The following TBXAS1 variants were observed in gnomAD, a reference collection of about 807,000 sequenced individuals.
TBXAS1 encodes the protein thromboxane-A synthase.
TBXAS1 carries 48 observed loss-of-function variants against 60.7 expected under a neutral mutation model. That is an observed-to-expected ratio of 0.79 (90% CI 0.63 to 1.01). TBXAS1 has a LOEUF of 1.01. Ranked by LOEUF, TBXAS1 falls within the 50% of genes least tolerant of loss-of-function variation. The pLI is 0.00. For missense variants in TBXAS1, 685 were observed against 686.3 expected, an observed-to-expected ratio of 1.00 and a Z score of 0.02; for synonymous variants, 287 against 269.7, an observed-to-expected ratio of 1.06 and a Z score of -0.63.
Position 139,923,264 on chromosome 7 carries a change from T to C in TBXAS1, c.333+11943T>C, listed in dbSNP as rs138479173. Reference sequence around the variant, plus strand: ...ATTGCTTAAGCCCAGGAGGCGTAGGTTGTAGTGAGCCATGATTCTGCCACT... The same window carrying C: ...ATTGCTTAAGCCCAGGAGGCGTAGGCTGTAGTGAGCCATGATTCTGCCACT... On this transcript the variant is annotated intron_variant, in intron 4 of 12. Coordinates refer to ENST00000448866, the MANE Select transcript of TBXAS1 (RefSeq NM_001061.7). Among the ~76,000 whole-genome samples the C allele has an allele frequency of 3.6e-3, 545 of 151,746 alleles. 3 individuals are homozygous for C. The highest frequency in any genetic ancestry group is 0.012 in the African/African-American group (514 of 41,350).
chr7:139,827,105 T>C (rs1798455922), upstream of TBXAS1, among the ~76,000 whole-genome samples: 1 of 152,180 alleles, frequency 6.6e-6, no homozygotes, highest in Non-Finnish European at 1.5e-5. Context: ...CTCTCTCCTC[T>C]AGCCAAGCAT....
chr7:139,781,816 A>G (rs1797001740), intron 2 of TBXAS1, among the ~76,000 whole-genome samples: 1 of 148,676 alleles, frequency 6.7e-6, no homozygotes. Flanking sequence ...TAGCCTAGGC[A>G]ACAAGAGCTA....
rs950997392 is a variant in TBXAS1 at position 139,975,744 on chromosome 7, T to C, written c.1134+13511T>C. ...AAGGTCCTGGGTTTGTTGGAGCTTT[T>C]TCTCCCTCTTGCCATGTCCTTTTCA... On this transcript the variant is annotated intron_variant, in intron 9 of 12. Coordinates refer to ENST00000448866, the MANE Select transcript of TBXAS1 (RefSeq NM_001061.7). The surrounding 1 kb of genome is among the most constrained non-coding windows in gnomAD (Gnocchi z 4.4). 8.5e-5 allele frequency among the ~76,000 whole-genome samples: 13 copies of C among 152,230 alleles called. No individual in the cohort carries two copies. The highest frequency in any genetic ancestry group is 7.2e-4 in the Admixed American group (11 of 15,284).
chr7:139,984,449 C>G (rs1004687049), intron 9 of TBXAS1, among the ~76,000 whole-genome samples: 7 of 151,954 alleles, frequency 4.6e-5, no homozygotes, highest in African/African-American at 1.7e-4. Flanking sequence ...GTTCTGCCCC[C>G]TCAGTAACCA....
intron 1 of TBXAS1, among the ~76,000 whole-genome samples, chr7:139,853,318 C>T (rs2116664307): frequency 6.6e-6 from 1 of 152,276 alleles, no homozygotes; most frequent in Admixed American, 6.5e-5. Context: ...GGATTCTGGG[C>T]AACTGGCTGC....
At chr7:139,983,097 A>G (rs1440442418) in intron 9 of TBXAS1, among the ~76,000 whole-genome samples, 6 of 152,064 alleles carry the variant, frequency 3.9e-5, no homozygotes, top group African/African-American at 1.4e-4. Context: ...GTTTTATATC[A>G]TTTCTGATGC....
chr7:139,974,749 G>A (rs1811448109), intron 9 of TBXAS1, among the ~76,000 whole-genome samples: 3 of 152,298 alleles, frequency 2.0e-5, no homozygotes, highest in Middle Eastern at 6.8e-3. Context: ...ATCTGTAAAA[G>A]AAAAAGGTTG....
intron 1 of TBXAS1, among the ~76,000 whole-genome samples, chr7:139,847,087 ATC>A (rs1799871008): frequency 6.6e-6 from 1 of 152,230 alleles, no homozygotes; most frequent in South Asian, 2.1e-4. Flanking sequence ...CATTGATGGC[ATC>A]TGTTTACCTC....
intron 1 of TBXAS1, among the ~76,000 whole-genome samples, chr7:139,849,276 G>A (rs934546871): frequency 6.6e-6 from 1 of 152,074 alleles, no homozygotes; most frequent in Non-Finnish European, 1.5e-5. Context: ...CTACTCAAGA[G>A]GCTGGGGTGA....
chr7:139,817,745 T>C (rs536159122), intron 4 of TBXAS1, among the ~76,000 whole-genome samples: 48 of 152,364 alleles, frequency 3.2e-4, no homozygotes, highest in African/African-American at 1.0e-3. Context: ...TTCTTTATGG[T>C]ATTTCACTCA....
At chr7:139,973,053 T>C (rs558268469) in intron 9 of TBXAS1, among the ~76,000 whole-genome samples, 1 of 151,628 alleles carries the variant, frequency 6.6e-6, no homozygotes, top group East Asian at 2.0e-4. Context: ...TGGAGGCAGG[T>C]TGAAGGCAAC....
At chr7:139,922,602 G>C (rs371982146) in intron 4 of TBXAS1, among the ~76,000 whole-genome samples, 1 of 152,118 alleles carries the variant, frequency 6.6e-6, no homozygotes, top group East Asian at 1.9e-4. Context: ...CATGGTTTGT[G>C]TGTTATTTTC....
chr7:139,927,169 T>C (rs958710418), intron 4 of TBXAS1, among the ~76,000 whole-genome samples: 17 of 151,374 alleles, frequency 1.1e-4, no homozygotes, highest in Non-Finnish European at 2.1e-4. Flanking sequence ...TATTTTTTTT[T>C]TTTTTTTCCG....
chr7:139,929,106 T>G (rs1043553198), intron 4 of TBXAS1, among the ~76,000 whole-genome samples: 10 of 152,230 alleles, frequency 6.6e-5, no homozygotes, highest in Non-Finnish European at 1.5e-4. Flanking sequence ...CTCAACACTA[T>G]GTGCCAAGGA....
chr7:139,787,132 T>C (rs1797225033), intron 3 of TBXAS1, among the ~76,000 whole-genome samples: 2 of 152,192 alleles, frequency 1.3e-5, no homozygotes, highest in Non-Finnish European at 2.9e-5. Flanking sequence ...TTCAACAGCT[T>C]CAAAGTGTAA....
intron 3 of TBXAS1, among the ~76,000 whole-genome samples, chr7:139,883,424 T>G (rs1802844664): frequency 6.6e-6 from 1 of 152,230 alleles, no homozygotes; most frequent in Non-Finnish European, 1.5e-5. Context: ...ACCAGTTCAT[T>G]TCCCCCCATC....
Position 140,015,223 on chromosome 7 carries a change from G to A in TBXAS1, c.1227-500G>A, listed in dbSNP as rs868067046. 1.4e-4 allele frequency among the ~76,000 whole-genome samples: 21 copies of A among 152,282 alleles called. No homozygotes were observed. In the Middle Eastern group the frequency reaches 0.01, roughly 74 times the overall value. ...CTTGGCATGGGGACCATCCACAGGA[G>A]GGAGGGGACAGATGCCAGGCAGCAG... is the stretch of plus-strand genomic sequence containing the variant. On this transcript the variant is annotated intron_variant, in intron 10 of 12. Coordinates refer to ENST00000448866, the MANE Select transcript of TBXAS1 (RefSeq NM_001061.7).
intron 5 of TBXAS1, among the ~76,000 whole-genome samples, chr7:139,949,732 G>A (rs577985788): frequency 5.9e-5 from 9 of 152,320 alleles, no homozygotes; most frequent in South Asian, 2.1e-4. Flanking sequence ...TTCCAGATAG[G>A]TAGATGAGGT....
chr7:139,945,797 G>A (rs964054121), intron 5 of TBXAS1, among the ~76,000 whole-genome samples: 3 of 152,166 alleles, frequency 2.0e-5, no homozygotes, highest in Non-Finnish European at 4.4e-5. Context: ...GAGTCCAGAG[G>A]GACTGAGGGC....
Sources: allele counts gnomAD v4.1 joint callset (sites outside exome capture counted in the v4.1 genomes callset), GRCh38; gene constraint gnomAD v4.1.1; non-coding constraint Gnocchi (gnomAD v3.1); transcripts MANE v1.5; gene names NCBI Gene and HGNC (gene_info 2026-07-23, HGNC 2026-07-21).